PUDP: variants seen among roughly 807,000 people sequenced by gnomAD.
PUDP encodes pseudouridine-5'-phosphatase.
PUDP carries 8 observed loss-of-function variants against 9.4 expected under a neutral mutation model. That is an observed-to-expected ratio of 0.85 (90% CI 0.50 to 1.53). PUDP has a LOEUF of 1.53. Among genes scored for constraint, PUDP ranks in the 40% most tolerant of loss-of-function variants. The pLI, the probability that PUDP is intolerant of heterozygous loss-of-function variation, is 0.00. For missense variants in PUDP, 188 were observed against 189.7 expected (o/e 0.99, Z 0.05); for synonymous variants, 99 against 80.7 (o/e 1.23, Z -1.22).
At chrX:6,828,998 A>C (rs779965895) in intron 3 of PUDP, among the ~76,000 whole-genome samples, 2 of 110,366 alleles carry the variant, frequency 1.8e-5, no homozygotes, top group East Asian at 5.7e-4. Flanking sequence ...TCGAACCCCC[A>C]AGGGATGATG....
chrX:7,142,921 G>C (rs1378944855), intron 1 of PUDP, among the ~76,000 whole-genome samples: 2 of 111,215 alleles, frequency 1.8e-5, no homozygotes, highest in Non-Finnish European at 3.8e-5. Flanking sequence ...AAAGTGCTGG[G>C]ATTATAGGCA....
intron 3 of PUDP, among the ~76,000 whole-genome samples, chrX:6,925,291 T>TGCCATAA (rs1447624163): frequency 3.6e-5 from 4 of 112,042 alleles, no homozygotes; most frequent in Non-Finnish European, 5.6e-5. Context: ...TATTTTGATC[T>TGCCATAA]GCCATAAGCC....
At chrX:6,971,583 A>AC (rs1928877943) in intron 3 of PUDP, among the ~76,000 whole-genome samples, 1 of 95,338 alleles carries the variant, frequency 1.0e-5, no homozygotes, top group African/African-American at 3.8e-5. Context: ...CGCCCGGCTA[A>AC]TTTTTTTTTT....
intron 3 of PUDP, among the ~76,000 whole-genome samples, chrX:6,745,257 G>C (rs994043279): frequency 1.2e-4 from 14 of 112,138 alleles, no homozygotes; most frequent in Admixed American, 1.1e-3. Flanking sequence ...CCTCCTCACC[G>C]CTGATTATAG....
intron 3 of PUDP, among the ~76,000 whole-genome samples, chrX:6,794,471 T>C (rs1034311114): frequency 2.7e-5 from 3 of 112,041 alleles, no homozygotes; most frequent in East Asian, 5.6e-4. Context: ...AATGAGTCAA[T>C]GTGAAGGCCT....
intron 3 of PUDP, among the ~76,000 whole-genome samples, chrX:6,805,511 G>C (rs1926034870): frequency 9.1e-6 from 1 of 109,587 alleles, no homozygotes; most frequent in African/African-American, 3.3e-5. Context: ...AAGGACGTTG[G>C]GACCAAAACC....
chrX:7,138,277 G>A (rs1932768602), intron 1 of PUDP, among the ~76,000 whole-genome samples: 1 of 111,510 alleles, frequency 9.0e-6, no homozygotes, highest in African/African-American at 3.3e-5. Flanking sequence ...CTTGCAGGAT[G>A]GGGTGAGATT....
chrX:6,766,294 G>A (rs1402660684), intron 3 of PUDP, among the ~76,000 whole-genome samples: 2 of 111,878 alleles, frequency 1.8e-5, no homozygotes, highest in Non-Finnish European at 3.8e-5. Context: ...GGAGTGCCAG[G>A]AAGGAAAATC....
At chrX:7,040,834 A>C (rs1318190374) in intron 1 of PUDP, among the ~76,000 whole-genome samples, 1 of 109,952 alleles carries the variant, frequency 9.1e-6, no homozygotes, top group Non-Finnish European at 1.9e-5. Flanking sequence ...CCCCTTCCTA[A>C]GACCCCCTCT....
At chrX:7,005,773 C>T (rs73627522) in intron 1 of PUDP, among the ~76,000 whole-genome samples, 96 of 111,163 alleles carry the variant, frequency 8.6e-4, no homozygotes, top group African/African-American at 3.1e-3. Flanking sequence ...ATCAGCGCCA[C>T]CCATCTTCAG....
chrX:6,975,399 G>A (rs1569133836), intron 3 of PUDP, among the ~76,000 whole-genome samples: 2 of 110,962 alleles, frequency 1.8e-5, no homozygotes, highest in Non-Finnish European at 3.8e-5. Flanking sequence ...GTTTTTGTGT[G>A]GACATCCTTT....
intron 1 of PUDP, among the ~76,000 whole-genome samples, chrX:7,114,426 C>G (rs758604904): frequency 7.2e-5 from 8 of 111,615 alleles, no homozygotes; most frequent in Non-Finnish European, 1.3e-4. Context: ...TTTGATAACG[C>G]ATTCATCCAA....
intron 3 of PUDP, among the ~76,000 whole-genome samples, chrX:6,975,686 G>A (rs1928943367): frequency 9.0e-6 from 1 of 111,652 alleles, no homozygotes; most frequent in Non-Finnish European, 1.9e-5. Context: ...AGGAGGCACG[G>A]GGGTCAAGGA....
intron 3 of PUDP, among the ~76,000 whole-genome samples, chrX:6,808,838 C>G (rs1033100487): frequency 7.1e-5 from 8 of 112,048 alleles, no homozygotes; most frequent in African/African-American, 2.6e-4. Context: ...GTACTCATGT[C>G]CAAGGACAAA....
intron 1 of PUDP, among the ~76,000 whole-genome samples, chrX:7,026,932 T>C (rs747352885): frequency 1.2e-4 from 13 of 111,904 alleles, no homozygotes; most frequent in Non-Finnish European, 2.4e-4. Flanking sequence ...CTCTGTCCCA[T>C]GGTGCTGTCC....
At chrX:7,062,285 C>T (rs1194423496) in intron 3 of PUDP, among the ~76,000 whole-genome samples, 2 of 111,518 alleles carry the variant, frequency 1.8e-5, no homozygotes, top group African/African-American at 6.5e-5. Context: ...AATACAGGCC[C>T]ACTGTGGGGA....
At chrX:6,805,969 G>A (rs957323881) in intron 3 of PUDP, among the ~76,000 whole-genome samples, 3 of 111,634 alleles carry the variant, frequency 2.7e-5, no homozygotes, top group East Asian at 5.6e-4. Flanking sequence ...CAATTAACAC[G>A]CAGATTGTGA....
intron 1 of PUDP, among the ~76,000 whole-genome samples, chrX:6,979,828 A>G (rs1929007157): frequency 8.9e-6 from 1 of 111,949 alleles, no homozygotes; most frequent in South Asian, 3.7e-4. Flanking sequence ...TGTCAAAGCA[A>G]TTCTTTAAAA....
chrX:7,027,907 CTA>C lies in PUDP; in HGVS notation c.204+49311_204+49312del, dbSNP rs558477094. On this transcript the variant is annotated intron_variant and NMD_transcript_variant, in intron 1 of 3. Transcript: ENST00000655425. ...TTTCTATATATAGACTATATATAGA[CTA>C]TATTTTTCTATATAGTTTATATAGA... Among the ~76,000 whole-genome samples the C allele has an allele frequency of 6.2e-4, 60 of 97,110 alleles. 3 individuals are homozygous for C. In the South Asian group the frequency reaches 0.014, roughly 23 times the overall value. The allele number at this position is 97,110 out of a possible 115,157, so 84.3% of individuals were successfully genotyped here.
Sources: allele counts gnomAD v4.1 joint callset (sites outside exome capture counted in the v4.1 genomes callset), GRCh38; gene constraint gnomAD v4.1.1; transcripts MANE v1.5; gene names NCBI Gene and HGNC (gene_info 2026-07-23, HGNC 2026-07-21).